APBA1: variants seen among roughly 807,000 people sequenced by gnomAD.
APBA1 encodes the protein amyloid beta precursor protein binding family A member 1.
In APBA1, 55 loss-of-function variants were observed where a neutral mutation model predicts 86.6. That is an observed-to-expected ratio of 0.64 (90% confidence interval 0.51 to 0.80). The LOEUF (loss-of-function observed/expected upper bound fraction) is 0.80, where lower values mean the gene tolerates loss of function less well. Ranked by LOEUF, APBA1 falls within the 30% of genes least tolerant of loss-of-function variation. APBA1 has a pLI of 0.00. For missense variants in APBA1, 1,090 were observed against 1,183.0 expected (o/e 0.92, Z 1.15); for synonymous variants, 511 against 493.9 (o/e 1.03, Z -0.46).
At chr9:69,461,372 G>A (rs1187834075) in intron 5 of APBA1, 5 of 152,156 alleles carry the variant, frequency 3.3e-5, no homozygotes, top group African/African-American at 1.2e-4. Context: ...AATGTGTACT[G>A]AGTTTCTGCC....
chr9:69,476,995 C>T lies in APBA1; in HGVS notation c.1201-852G>A, dbSNP rs370920464. Among the ~76,000 whole-genome samples the T allele has an allele frequency of 2.0e-4, 30 of 152,234 alleles. 1 individual carries two copies. The highest frequency in any genetic ancestry group is 6.7e-4 in the African/African-American group (28 of 41,550). ...CACAGGGATGGGACTGATACAGACCCGGAAAACACTCCCCAGCCTATAGCC... is the reference window on the plus strand; with the variant it reads ...CACAGGGATGGGACTGATACAGACCTGGAAAACACTCCCCAGCCTATAGCC... On this transcript the variant is annotated intron_variant, in intron 2 of 12. Transcript: ENST00000265381.
At chr9:69,485,085 G>A (rs1019650961) in intron 2 of APBA1, among the ~76,000 whole-genome samples, 4 of 151,896 alleles carry the variant, frequency 2.6e-5, no homozygotes, top group Admixed American at 1.3e-4. Context: ...AAAAACACTG[G>A]GGTTACAGGT....
At chr9:69,523,518 T>TAC (rs1407606649) in intron 1 of APBA1, among the ~76,000 whole-genome samples, 22 of 40,594 alleles carry the variant, frequency 5.4e-4, no homozygotes, top group African/African-American at 1.2e-3. Context: ...TATATATATA[T>TAC]ATATATATAT....
intron 10 of APBA1, 85 bp downstream of exon 10, chr9:69,449,499 C>A: frequency 8.0e-7 from 1 of 1,246,342 alleles, no homozygotes. Flanking sequence ...TGAATATGTT[C>A]ATATACATTA....
chr9:69,607,878 G>T (rs1822508800), intron 1 of APBA1, among the ~76,000 whole-genome samples: 1 of 152,136 alleles, frequency 6.6e-6, no homozygotes, highest in African/African-American at 2.4e-5. Flanking sequence ...CTATAAAATG[G>T]GAGATATTAC....
intron 1 of APBA1, among the ~76,000 whole-genome samples, chr9:69,647,997 AG>A (rs2134013546): frequency 6.6e-6 from 1 of 152,358 alleles, no homozygotes; most frequent in South Asian, 2.1e-4. Flanking sequence ...GTTGCTGCCT[AG>A]GTTGGGCCAT....
At chr9:69,519,167 C>T (rs555575686) in intron 1 of APBA1, among the ~76,000 whole-genome samples, 1 of 152,332 alleles carries the variant, frequency 6.6e-6, no homozygotes, top group Admixed American at 6.5e-5. Context: ...TCCCTTCAAA[C>T]CTTGATGGAT....
rs1052407521 is a variant in APBA1, at chr9:69,476,042, C to A, written c.1296+6G>T. ...CAATGGCTTTGGTAACAAAACAGCA[C>A]CCTACCTCTTTATTAGTGGACGCTT... On this transcript the variant is annotated splice_donor_region_variant and intron_variant, in intron 3 of 12. Transcript: ENST00000265381. 6.2e-7 allele frequency: 1 copy of A among 1,612,748 alleles called. No individual in the cohort carries two copies. Among genetic ancestry groups the A allele is most frequent in the Admixed American group, 1.7e-5 (1 of 60,026 alleles).
At chr9:69,628,184 A>G (rs1263725778) in intron 1 of APBA1, among the ~76,000 whole-genome samples, 1 of 152,172 alleles carries the variant, frequency 6.6e-6, no homozygotes, top group Non-Finnish European at 1.5e-5. Flanking sequence ...CTAAGTCCTC[A>G]GTCATACAGC....
rs560641952 is a variant in APBA1, at chr9:69,514,494, C to G, written c.1200+1517G>C. Among the ~76,000 whole-genome samples the G allele has an allele frequency of 3.0e-3, 457 of 152,218 alleles. 6 individuals carry two copies. The highest frequency in any genetic ancestry group is 0.01 in the African/African-American group (435 of 41,530). On this transcript the variant is annotated intron_variant, in intron 2 of 12. Coordinates refer to ENST00000265381, the MANE Select transcript of APBA1 (RefSeq NM_001163.4). Reference sequence around the variant, plus strand: ...ATCCCAGCTACTCAGGAGACTGAGGCAGGAAAATCACTTGAACCTGGGAGG... The same window carrying G: ...ATCCCAGCTACTCAGGAGACTGAGGGAGGAAAATCACTTGAACCTGGGAGG...
At chr9:69,499,221 C>T (rs1835844735) in intron 2 of APBA1, among the ~76,000 whole-genome samples, 1 of 152,098 alleles carries the variant, frequency 6.6e-6, no homozygotes, top group African/African-American at 2.4e-5. Flanking sequence ...TTTTCTTCCT[C>T]TTAACAGCAC....
intron 1 of APBA1, 87 bp from the exon 2 acceptor site, chr9:69,517,366 T>C: frequency 8.0e-7 from 1 of 1,252,932 alleles, no homozygotes; most frequent in East Asian, 3.0e-5. Context: ...AAACAACTGC[T>C]ATTGATTCCT....
intron 1 of APBA1, among the ~76,000 whole-genome samples, chr9:69,589,323 G>A (rs1822082548): frequency 6.6e-6 from 1 of 152,166 alleles, no homozygotes; most frequent in African/African-American, 2.4e-5. Context: ...ATCAATCACT[G>A]TTGCTTGATT....
At chr9:69,557,296 T>C (rs2133934513) in intron 1 of APBA1, among the ~76,000 whole-genome samples, 1 of 152,328 alleles carries the variant, frequency 6.6e-6, no homozygotes, top group Non-Finnish European at 1.5e-5. Context: ...AGGTGCTTAT[T>C]AAATGGGTTC....
chr9:69,638,689 G>T (rs907734803), intron 1 of APBA1, among the ~76,000 whole-genome samples: 2 of 152,180 alleles, frequency 1.3e-5, no homozygotes, highest in East Asian at 3.8e-4. Flanking sequence ...AAATGAATCA[G>T]AAGTGATTAA....
intron 1 of APBA1, among the ~76,000 whole-genome samples, chr9:69,671,839 T>G (rs561045724): frequency 6.6e-6 from 1 of 152,130 alleles, no homozygotes; most frequent in South Asian, 2.1e-4. Context: ...GCTGTACCTT[T>G]TACACACACA....
At chr9:69,602,051 A>T (rs1280185183) in intron 1 of APBA1, among the ~76,000 whole-genome samples, 2 of 152,212 alleles carry the variant, frequency 1.3e-5, no homozygotes, top group Non-Finnish European at 2.9e-5. Context: ...CATTCAAAAG[A>T]TATATTTTTT....
rs56982203 is a variant in APBA1, at chr9:69,475,537, C to A, written c.1296+511G>T. ...ACAACAGGTGTGAACTGGAACCACACCCTAGGTAAACTGGGAATGTATGGC... is the reference window on the plus strand; with the variant it reads ...ACAACAGGTGTGAACTGGAACCACAACCTAGGTAAACTGGGAATGTATGGC... On this transcript the variant is annotated intron_variant, in intron 3 of 12. Coordinates refer to ENST00000265381, the MANE Select transcript of APBA1 (RefSeq NM_001163.4). 3.9e-5 allele frequency among the ~76,000 whole-genome samples: 6 copies of A among 152,290 alleles called. No individual in the cohort carries two copies. In the East Asian group the frequency reaches 1.2e-3, roughly 29 times the overall value.
chr9:69,582,643 C>T (rs1804894620), intron 1 of APBA1, among the ~76,000 whole-genome samples: 2 of 152,154 alleles, frequency 1.3e-5, no homozygotes, highest in South Asian at 4.1e-4. Context: ...TGCTTCTACC[C>T]TACTGGCTTT....
Sources: allele counts gnomAD v4.1 joint callset (sites outside exome capture counted in the v4.1 genomes callset), GRCh38; gene constraint gnomAD v4.1.1; transcripts MANE v1.5; gene names NCBI Gene and HGNC (gene_info 2026-07-23, HGNC 2026-07-21).